Variants in NOS1AP observed in about 807,000 individuals in gnomAD.
The protein encoded by NOS1AP is carboxyl-terminal PDZ ligand of neuronal nitric oxide synthase protein.
Under a neutral mutation model 56.2 loss-of-function variants are expected in NOS1AP, and 21 were observed. That is an observed-to-expected ratio of 0.37 (90% CI 0.26 to 0.54). The LOEUF (loss-of-function observed/expected upper bound fraction) is 0.54. NOS1AP is among the 20% of genes least tolerant of loss of function. The pLI is 0.84. For missense variants in NOS1AP, 522 were observed against 657.8 expected (o/e 0.79, Z 2.26); for synonymous variants, 270 against 274.6 (o/e 0.98, Z 0.17).
At chr1:162,098,114 T>C (rs1192418849) in intron 1 of NOS1AP, among the ~76,000 whole-genome samples, 1 of 143,378 alleles carries the variant, frequency 7.0e-6, no homozygotes, top group Non-Finnish European at 1.5e-5. Context: ...TTTTTTTTTT[T>C]TTTTTTTTTT....
intron 2 of NOS1AP, among the ~76,000 whole-genome samples, chr1:162,186,969 ATTTG>A (rs1293725381): frequency 6.6e-6 from 1 of 151,822 alleles, no homozygotes; most frequent in Admixed American, 6.6e-5. Flanking sequence ...GTTGTTATTT[ATTTG>A]TTTGTTTTTT....
At chr1:162,214,540 TTC>T (rs1360139827) in intron 2 of NOS1AP, among the ~76,000 whole-genome samples, 1 of 152,226 alleles carries the variant, frequency 6.6e-6, no homozygotes, top group Non-Finnish European at 1.5e-5. Flanking sequence ...TAATTTTTTT[TTC>T]TGTTCAAAAA....
At chr1:162,107,968 GA>G (rs1012281543) in intron 1 of NOS1AP, among the ~76,000 whole-genome samples, 1 of 151,710 alleles carries the variant, frequency 6.6e-6, no homozygotes, top group Non-Finnish European at 1.5e-5. Flanking sequence ...ATAAAATTAG[GA>G]AAAATTCTTG....
chr1:162,295,926 G>T (rs1304073648), intron 3 of NOS1AP, among the ~76,000 whole-genome samples: 1 of 152,050 alleles, frequency 6.6e-6, no homozygotes, highest in South Asian at 2.1e-4. Flanking sequence ...GGTGGGGGAG[G>T]GGTGGAGACC....
At chr1:162,334,999 G>T (rs1012742320) in intron 5 of NOS1AP, among the ~76,000 whole-genome samples, 2 of 149,176 alleles carry the variant, frequency 1.3e-5, no homozygotes, top group Non-Finnish European at 3.0e-5. Context: ...CAATACGGAC[G>T]CAGTGGGGGC....
chr1:162,324,920 T>C (rs927246729), intron 4 of NOS1AP, among the ~76,000 whole-genome samples: 4 of 152,160 alleles, frequency 2.6e-5, no homozygotes, highest in African/African-American at 4.8e-5. Flanking sequence ...AGATCTGTGA[T>C]ATACATCCCA....
intron 2 of NOS1AP, among the ~76,000 whole-genome samples, chr1:162,272,336 G>T (rs1301255850): frequency 2.6e-5 from 4 of 152,084 alleles, no homozygotes; most frequent in African/African-American, 9.7e-5. Flanking sequence ...CTCGTGTGTG[G>T]AGAACAGGAT....
chr1:162,070,359 G>T, intron 1 of NOS1AP, 77 bp downstream of exon 1: 1 of 1,242,140 alleles, frequency 8.1e-7, no homozygotes, highest in Non-Finnish European at 1.2e-6. Flanking sequence ...ATGCACAGCC[G>T]TCCTGGACCC....
intron 2 of NOS1AP, among the ~76,000 whole-genome samples, chr1:162,162,154 A>G (rs1650254126): frequency 6.6e-6 from 1 of 152,208 alleles, no homozygotes. Flanking sequence ...TGAGTTTATC[A>G]TTCACAGCTG....
At chr1:162,269,913 C>T (rs1654534812) in intron 2 of NOS1AP, among the ~76,000 whole-genome samples, 1 of 152,178 alleles carries the variant, frequency 6.6e-6, no homozygotes, top group African/African-American at 2.4e-5. Flanking sequence ...ACTAAAATAA[C>T]TTGTCACAGT....
At chr1:162,224,680 A>G (rs1652885180) in intron 2 of NOS1AP, among the ~76,000 whole-genome samples, 1 of 152,236 alleles carries the variant, frequency 6.6e-6, no homozygotes, top group Non-Finnish European at 1.5e-5. Context: ...AGGAAATGCT[A>G]CAGACTCATC....
chr1:162,235,826 C>G (rs148915881), intron 2 of NOS1AP, among the ~76,000 whole-genome samples: 9 of 152,212 alleles, frequency 5.9e-5, no homozygotes, highest in Non-Finnish European at 8.8e-5. Flanking sequence ...GTTTCATGCT[C>G]ACATACATGC....
chr1:162,232,361 A>G (rs983804057), intron 2 of NOS1AP, among the ~76,000 whole-genome samples: 1 of 152,168 alleles, frequency 6.6e-6, no homozygotes, highest in African/African-American at 2.4e-5. Context: ...GACATTGTTC[A>G]CTTCCTTTTT....
intron 5 of NOS1AP, among the ~76,000 whole-genome samples, chr1:162,341,665 T>A (rs985680721): frequency 1.3e-5 from 2 of 152,194 alleles, no homozygotes; most frequent in African/African-American, 2.4e-5. Context: ...TAAGGTTTAG[T>A]AAACTAGTAA....
intron 2 of NOS1AP, among the ~76,000 whole-genome samples, chr1:162,180,212 C>T (rs1340425251): frequency 6.6e-6 from 1 of 152,034 alleles, no homozygotes. Context: ...GTAGCCTCCT[C>T]CATGATGTGT....
chr1:162,263,832 G>C (rs557268094), intron 2 of NOS1AP, among the ~76,000 whole-genome samples: 1 of 152,288 alleles, frequency 6.6e-6, no homozygotes, highest in African/African-American at 2.4e-5. Flanking sequence ...ATCTGATTCT[G>C]TTCTAGTTCT....
At chr1:162,096,569 A>G (rs1260401243) in intron 1 of NOS1AP, among the ~76,000 whole-genome samples, 1 of 152,150 alleles carries the variant, frequency 6.6e-6, no homozygotes, top group African/African-American at 2.4e-5. Flanking sequence ...TTTTCCCAAG[A>G]AACAACCACT....
intron 1 of NOS1AP, among the ~76,000 whole-genome samples, chr1:162,132,056 T>C (rs771771112): frequency 6.6e-6 from 1 of 152,178 alleles, no homozygotes; most frequent in Non-Finnish European, 1.5e-5. Flanking sequence ...TATTTGGTGA[T>C]AATGGCATGT....
chr1:162,181,071 G>T (rs1651241318), intron 2 of NOS1AP, among the ~76,000 whole-genome samples: 1 of 152,216 alleles, frequency 6.6e-6, no homozygotes, highest in African/African-American at 2.4e-5. Flanking sequence ...AAGTGAAATT[G>T]CAAGTCTTGC....
Sources: allele counts gnomAD v4.1 joint callset (sites outside exome capture counted in the v4.1 genomes callset), GRCh38; gene constraint gnomAD v4.1.1; transcripts MANE v1.5; gene names NCBI Gene and HGNC (gene_info 2026-07-23, HGNC 2026-07-21).